The following POR variants were observed in gnomAD, a reference collection of about 807,000 sequenced individuals.
The protein encoded by POR is NADPH--cytochrome P450 reductase.
POR carries 56 observed loss-of-function variants against 84.0 expected under a neutral mutation model. The observed-to-expected ratio is 0.67, with a 90% CI of 0.54 to 0.83. The LOEUF is 0.83. Ranked by LOEUF, POR falls within the 40% of genes least tolerant of loss-of-function variation. The probability of loss-of-function intolerance (pLI) is 0.00; values close to 1 mark genes in which losing one functional copy is unlikely to be tolerated. For synonymous variants in POR, 414 were observed against 400.5 expected (o/e 1.03, Z -0.40); for missense variants, 938 against 944.3 (o/e 0.99, Z 0.09).
chr7:75,980,178 C>A (rs1788933043), intron 4 of POR, among the ~76,000 whole-genome samples, 161 bp from the exon 5 acceptor site: 1 of 152,226 alleles, frequency 6.6e-6, no homozygotes, highest in South Asian at 2.1e-4. Flanking sequence ...TGCCCATGCC[C>A]CAGCCCCTCC....
intron 3 of POR, among the ~76,000 whole-genome samples, chr7:75,979,016 T>C (rs1302950286): frequency 6.6e-6 from 1 of 151,748 alleles, no homozygotes; most frequent in Non-Finnish European, 1.5e-5. Context: ...AGGCTGGTCT[T>C]GAACTCCTGA....
rs150610248 is a variant in POR at position 75,934,633 on chromosome 7, C to G, written c.-4-19356C>G. Among the ~76,000 whole-genome samples the G allele has an allele frequency of 6.6e-3, 1,011 of 152,284 alleles. 8 individuals carry two copies. The highest frequency in any genetic ancestry group is 0.02 in the African/African-American group (844 of 41,578). ...ACCTTCCCGGCAGCCCCTCCCATTA[C>G]AGTTGTGGAGGCCTCAGAGGGAAGA... On this transcript the variant is annotated intron_variant, in intron 1 of 15. Coordinates refer to ENST00000461988, the MANE Select transcript of POR (RefSeq NM_000941.3).
rs1554553330 is a variant in POR, at chr7:75,954,027, G to A, written c.35G>A (p.Ser12Asn). Residue 12 changes from serine to asparagine, a missense_variant, in exon 2 of 16, where the codon AGC (serine) becomes AAC (asparagine). Transcript: ENST00000461988. ...ATGGGAGACTCCCACGTGGACACCA[G>A]CTCCACCGTGTCCGAGGCGGTGGCC... 1 of 1,607,728 alleles carries A rather than the reference G, an allele frequency of 6.2e-7. No homozygotes were observed. Among genetic ancestry groups the A allele is most frequent in the Non-Finnish European group, 8.5e-7 (1 of 1,176,948 alleles).
intron 1 of POR, among the ~76,000 whole-genome samples, chr7:75,926,404 C>T (rs559598375): frequency 2.4e-4 from 36 of 152,260 alleles, no homozygotes; most frequent in Non-Finnish European, 4.0e-4. Context: ...GGCTCTGTTC[C>T]GATACTCCTG....
chr7:75,985,043 C>A lies in POR; in HGVS notation c.1249-15C>A, dbSNP rs782691218. On this transcript the variant is annotated splice_polypyrimidine_tract_variant and intron_variant, in intron 11 of 15. Transcript: ENST00000461988. ...TGGGCCCCAATCAGCCCCATCTCAC[C>A]CCCGTGTCTCTTAGGAGCTGTACCT... 1 of 1,589,684 alleles carries A rather than the reference C, an allele frequency of 6.3e-7. No individual in the cohort carries two copies. Among genetic ancestry groups the A allele is most frequent in the Non-Finnish European group, 8.5e-7 (1 of 1,171,484 alleles).
intron 12 of POR, 117 bp downstream of exon 12, chr7:75,985,324 C>T: frequency 1.5e-6 from 2 of 1,341,992 alleles, no homozygotes; most frequent in South Asian, 3.1e-5. Flanking sequence ...CCAGTTCCAG[C>T]CCCAGCGCAG....
intron 1 of POR, among the ~76,000 whole-genome samples, chr7:75,917,095 T>C (rs1563394611): frequency 6.6e-6 from 1 of 151,698 alleles, no homozygotes; most frequent in Non-Finnish European, 1.5e-5. Context: ...GTGAGACAGG[T>C]CTCACTCTGT....
intron 1 of POR, among the ~76,000 whole-genome samples, chr7:75,920,222 C>T (rs1188269675): frequency 2.0e-5 from 3 of 151,768 alleles, no homozygotes; most frequent in South Asian, 2.1e-4. Context: ...CGTGCCATCA[C>T]GCCCGGCTAA....
chr7:75,932,815 T>A (rs1563402908), intron 1 of POR, among the ~76,000 whole-genome samples: 1 of 151,968 alleles, frequency 6.6e-6, no homozygotes, highest in Admixed American at 6.6e-5. Context: ...GTCAGGAGTT[T>A]GAGACCAGCC....
chr7:75,972,455 G>T lies in POR; in HGVS notation c.231G>T (p.Lys77Asn), dbSNP rs1361328568. Residue 77 changes from lysine to asparagine, a missense_variant, in exon 3 of 16, where the codon AAG (lysine) becomes AAT (asparagine). By Grantham distance (94) the Lys-to-Asn change is moderately conservative. Transcript: ENST00000461988. ...AGAGCAGCTTTGTGGAAAAGATGAA[G>T]AAAACGGTGAGTTTCCTGCATGTCT... The T allele has an allele frequency of 6.2e-7, 1 of 1,605,976 alleles. No homozygotes were observed. The highest frequency in any genetic ancestry group is 8.5e-7 in the Non-Finnish European group (1 of 1,176,262).
intron 1 of POR, among the ~76,000 whole-genome samples, chr7:75,920,858 A>C (rs781993135): frequency 1.3e-4 from 20 of 152,142 alleles, no homozygotes; most frequent in Non-Finnish European, 2.5e-4. Flanking sequence ...TCTTGAATAC[A>C]CAGGAGAGTG....
At chr7:75,916,001 C>T (rs1806547902) in intron 1 of POR, among the ~76,000 whole-genome samples, 1 of 152,182 alleles carries the variant, frequency 6.6e-6, no homozygotes, top group African/African-American at 2.4e-5. Flanking sequence ...CTCTTAAACC[C>T]TTAAAGCTGC....
intron 1 of POR, among the ~76,000 whole-genome samples, chr7:75,949,406 G>A (rs181762830): frequency 5.1e-4 from 78 of 151,926 alleles, no homozygotes; most frequent in Admixed American, 2.5e-3. Context: ...CACCCGCCTC[G>A]GCCTCCCAAA....
At chr7:75,953,881 T>A in intron 1 of POR, 108 bp from the exon 2 acceptor site, 4 of 871,948 alleles carry the variant, frequency 4.6e-6, no homozygotes, top group South Asian at 1.8e-5. Context: ...CAGTGACCAT[T>A]TCCTGCAGCC....
intron 1 of POR, among the ~76,000 whole-genome samples, chr7:75,934,074 T>C (rs1053655765): frequency 6.6e-6 from 1 of 151,098 alleles, no homozygotes; most frequent in Non-Finnish European, 1.5e-5. Flanking sequence ...GCCGTTAATA[T>C]CTTTTACATC....
At chr7:75,923,228 G>A (rs1554549061) in intron 1 of POR, 12 of 1,109,616 alleles carry the variant, frequency 1.1e-5, no homozygotes, top group Non-Finnish European at 1.6e-5. Flanking sequence ...TGATTGAGGA[G>A]CACCTGGGAA....
At chr7:75,967,173 C>T (rs1406743323) in intron 2 of POR, among the ~76,000 whole-genome samples, 1 of 152,186 alleles carries the variant, frequency 6.6e-6, no homozygotes, top group Non-Finnish European at 1.5e-5. Context: ...CAGGCTGTTT[C>T]GCCATGTTGC....
In POR at chr7:75,982,142, G is replaced by A. The variant is rs868945360; in HGVS notation, c.732-82G>A. ...GGACCTCACCCCAAAGGCCATGCAC[G>A]GTCTCCCCTGTAGTCCAACCCCTCC... On this transcript the variant is annotated intron_variant, in intron 7 of 15. Coordinates refer to ENST00000461988, the MANE Select transcript of POR (RefSeq NM_000941.3). 38 of 1,030,474 alleles carry A rather than the reference G, an allele frequency of 3.7e-5. No individual in the cohort carries two copies. In the East Asian group the frequency reaches 5.4e-4, roughly 15 times the overall value. The allele number at this position is 1,030,474 out of a possible 1,614,324, so 63.8% of individuals were successfully genotyped here.
At chr7:75,982,886 G>C (rs1165208148) in intron 8 of POR, among the ~76,000 whole-genome samples, 1 of 152,176 alleles carries the variant, frequency 6.6e-6, no homozygotes, top group Non-Finnish European at 1.5e-5. Flanking sequence ...AGGACGTGTG[G>C]GGGTGGGGGA....
Sources: allele counts gnomAD v4.1 joint callset (sites outside exome capture counted in the v4.1 genomes callset), GRCh38; gene constraint gnomAD v4.1.1; transcripts MANE v1.5; gene names NCBI Gene and HGNC (gene_info 2026-07-23, HGNC 2026-07-21).